The following CHST11 variants were observed in gnomAD, a reference collection of about 807,000 sequenced individuals.
The protein encoded by CHST11 is carbohydrate sulfotransferase 11.
CHST11 carries 9 observed loss-of-function variants against 30.4 expected under a neutral mutation model. That is an observed-to-expected ratio of 0.30 (90% CI 0.18 to 0.52). CHST11 has a LOEUF of 0.52. CHST11 is among the 20% of genes least tolerant of loss of function. The pLI is 0.97. For missense variants in CHST11, 348 were observed against 460.6 expected, an observed-to-expected ratio of 0.76 and a Z score of 2.24; for synonymous variants, 152 against 187.8, an observed-to-expected ratio of 0.81 and a Z score of 1.56.
intron 1 of CHST11, among the ~76,000 whole-genome samples, chr12:104,475,673 TATATATATATATATA>T (rs2037551869): frequency 1.2e-5 from 1 of 82,306 alleles, no homozygotes; most frequent in Non-Finnish European, 2.5e-5. Context: ...TATATATATA[TATATATATATATATA>T]TATTTCTGAT....
chr12:104,608,171 G>C (rs146995521), intron 2 of CHST11, among the ~76,000 whole-genome samples: 1 of 151,988 alleles, frequency 6.6e-6, no homozygotes, highest in African/African-American at 2.4e-5. Flanking sequence ...TGAGTTGAAG[G>C]GTCTTTAAGC....
At chr12:104,526,509 C>T (rs1427488705) in intron 1 of CHST11, among the ~76,000 whole-genome samples, 1 of 152,102 alleles carries the variant, frequency 6.6e-6, no homozygotes, top group Non-Finnish European at 1.5e-5. Context: ...GAAGTTTCTC[C>T]TCCGGGCCTG....
intron 1 of CHST11, among the ~76,000 whole-genome samples, chr12:104,470,280 G>T (rs764685178): frequency 5.9e-5 from 9 of 152,258 alleles, no homozygotes; most frequent in Non-Finnish European, 1.0e-4. Context: ...TTGACTCACA[G>T]TTCTGCATGG....
At chr12:104,679,656 C>T (rs1451601782) in intron 2 of CHST11, among the ~76,000 whole-genome samples, 2 of 152,160 alleles carry the variant, frequency 1.3e-5, no homozygotes, top group Admixed American at 6.5e-5. Context: ...CCGCCGAGCC[C>T]CAGCTGCAGG....
chr12:104,700,162 G>T (rs1345121746), intron 2 of CHST11, among the ~76,000 whole-genome samples: 1 of 152,104 alleles, frequency 6.6e-6, no homozygotes, highest in Non-Finnish European at 1.5e-5. Flanking sequence ...CAGATTAGAA[G>T]TAAATGTCTT....
intron 2 of CHST11, among the ~76,000 whole-genome samples, chr12:104,715,427 C>A (rs777349931): frequency 6.6e-6 from 1 of 152,048 alleles, no homozygotes; most frequent in African/African-American, 2.4e-5. Flanking sequence ...TCTCTCAGAG[C>A]CACTGGAAGG....
intron 2 of CHST11, among the ~76,000 whole-genome samples, chr12:104,721,472 C>G (rs1045092875): frequency 5.9e-5 from 9 of 152,152 alleles, no homozygotes; most frequent in African/African-American, 2.2e-4. Context: ...CCTCAGCTTC[C>G]TCTTCTGCAA....
chr12:104,709,645 G>A lies in CHST11; in HGVS notation c.205-47304G>A, dbSNP rs1020527778. 1.2e-4 allele frequency among the ~76,000 whole-genome samples: 18 copies of A among 152,256 alleles called. 1 individual carries two copies. Among genetic ancestry groups the A allele is most frequent in the Admixed American group, 8.5e-4 (13 of 15,288 alleles). On this transcript the variant is annotated intron_variant, in intron 2 of 2. Coordinates refer to ENST00000303694, the MANE Select transcript of CHST11 (RefSeq NM_018413.6). ...CTGCAGAGTTCAGCCAGCCCATGCG[G>A]TTCTTTCATTAAGAAGCCCGTCGCA...
intron 1 of CHST11, among the ~76,000 whole-genome samples, chr12:104,533,078 C>A (rs755054113): frequency 1.3e-5 from 2 of 152,102 alleles, no homozygotes; most frequent in Non-Finnish European, 2.9e-5. Context: ...GTCTTGCTTC[C>A]AAATCTCTTT....
chr12:104,456,987 A>C lies in CHST11; in HGVS notation c.-425A>C. The C allele has an allele frequency of 6.5e-6, 1 of 154,218 alleles. No individual in the cohort carries two copies. Among genetic ancestry groups the C allele is most frequent in the Non-Finnish European group, 1.4e-5 (1 of 69,442 alleles). The allele number at this position is 154,218 out of a possible 1,614,324, so 9.6% of individuals were successfully genotyped here. A position where few individuals can be genotyped will look rare whatever the true frequency, so the allele number is the denominator to read the frequency against. On this transcript the variant is annotated 5_prime_UTR_variant, in exon 1 of 3. Transcript: ENST00000303694. ...AGCCCCGGAATATATAGATCGTTGG[A>C]GCGCAATGAAGTAGCCTTTGGAGAG...
At chr12:104,592,619 C>G (rs1023136159) in intron 1 of CHST11, among the ~76,000 whole-genome samples, 5 of 152,198 alleles carry the variant, frequency 3.3e-5, no homozygotes, top group Admixed American at 1.3e-4. Flanking sequence ...GATTATAGCA[C>G]TTTGCGTCCT....
chr12:104,699,745 G>T (rs900796658), intron 2 of CHST11, among the ~76,000 whole-genome samples: 1 of 152,190 alleles, frequency 6.6e-6, no homozygotes, highest in Non-Finnish European at 1.5e-5. Flanking sequence ...GAGCCCTTTT[G>T]TTCACCTGCA....
chr12:104,472,390 TACAC>T (rs111810878), intron 1 of CHST11, among the ~76,000 whole-genome samples: 9,560 of 149,838 alleles, frequency 0.064, 740 homozygotes, highest in African/African-American at 0.18. Flanking sequence ...CAAAGTTTTA[TACAC>T]ACACACACAC....
At chr12:104,632,847 T>C (rs1184933038) in intron 2 of CHST11, among the ~76,000 whole-genome samples, 1 of 152,212 alleles carries the variant, frequency 6.6e-6, no homozygotes, top group African/African-American at 2.4e-5. Context: ...CCCAGTACAC[T>C]GAAGCTATCG....
At chr12:104,587,617 C>T (rs2038816951) in intron 1 of CHST11, among the ~76,000 whole-genome samples, 1 of 152,114 alleles carries the variant, frequency 6.6e-6, no homozygotes, top group African/African-American at 2.4e-5. Context: ...AGGCAGGTCT[C>T]GAACACCTGG....
chr12:104,586,095 T>C (rs1019744268), intron 1 of CHST11, among the ~76,000 whole-genome samples: 4 of 152,184 alleles, frequency 2.6e-5, no homozygotes, highest in Non-Finnish European at 2.9e-5. Flanking sequence ...ATCACGGTCA[T>C]AGCACGTCAC....
chr12:104,704,563 G>T (rs1392057216), intron 2 of CHST11, among the ~76,000 whole-genome samples: 4 of 152,154 alleles, frequency 2.6e-5, no homozygotes, highest in Non-Finnish European at 5.9e-5. Flanking sequence ...CTGCCTCTCA[G>T]CTGGAGGCTT....
chr12:104,673,232 C>T (rs2039712043), intron 2 of CHST11, among the ~76,000 whole-genome samples: 1 of 152,138 alleles, frequency 6.6e-6, no homozygotes, highest in South Asian at 2.1e-4. Flanking sequence ...TCTGCAAAGA[C>T]CGTTTATCCA....
chr12:104,602,161 A>C (rs2038962791), intron 2 of CHST11, 170 bp downstream of exon 2: 1 of 607,198 alleles, frequency 1.6e-6, no homozygotes, highest in Non-Finnish European at 2.9e-6. Flanking sequence ...AGCATCTCTG[A>C]AAAATCTAGC....
Sources: allele counts gnomAD v4.1 joint callset (sites outside exome capture counted in the v4.1 genomes callset), GRCh38; gene constraint gnomAD v4.1.1; transcripts MANE v1.5; gene names NCBI Gene and HGNC (gene_info 2026-07-23, HGNC 2026-07-21).